Variants in RP1L1 observed in about 807,000 individuals in gnomAD.
RP1L1 encodes the protein RP1 like 1.
A neutral mutation model predicts 15.7 loss-of-function variants in RP1L1; 27 were observed. The ratio of observed to expected loss-of-function variants is 1.72; its 90% CI spans 1.27 to 2.38. RP1L1 has a LOEUF of 2.38. Among genes scored for constraint, RP1L1 ranks in the 30% most tolerant of loss-of-function variants. RP1L1 has a pLI of 0.00. For missense variants in RP1L1, 4,798 were observed against 3,075.9 expected, an observed-to-expected ratio of 1.56 and a Z score of -13.24; for synonymous variants, 1,813 against 1,276.7, an observed-to-expected ratio of 1.42 and a Z score of -8.96.
intron 1 of RP1L1, among the ~76,000 whole-genome samples, chr8:10,647,004 G>C (rs1798489209): frequency 6.6e-6 from 1 of 152,242 alleles, no homozygotes; most frequent in South Asian, 2.1e-4. Context: ...CCCCTGGCAA[G>C]GCAGTGCCTG....
At position 10,610,589 on chromosome 8, in the gene RP1L1, G is replaced by C; in HGVS notation, c.3509C>G (p.Ser1170Ter). The C allele has an allele frequency of 6.2e-7, 1 of 1,613,622 alleles. No individual in the cohort carries two copies. ...GCDVGEDQLD[S>*]GLWELTWSQA... is the part of the protein sequence containing the mutation. ...GCTCCATGTGAGCTCCCAGAGGCCT[G>C]AGTCCAGCTGGTCTTCCCCAACGTC... The change falls in exon 4 of 4, where the codon TCA (serine) becomes TGA (stop). Residue 1170 changes from serine (S) to a stop codon, truncating the protein, a stop_gained. Coordinates refer to ENST00000382483, the MANE Select transcript of RP1L1 (RefSeq NM_178857.6). LOFTEE classifies it low-confidence loss of function (END_TRUNC).
intron 1 of RP1L1, among the ~76,000 whole-genome samples, chr8:10,638,460 G>C (rs1414929167): frequency 6.6e-6 from 1 of 152,136 alleles, no homozygotes; most frequent in Non-Finnish European, 1.5e-5. Flanking sequence ...CACGAAATTA[G>C]ATACAAATTT....
At chr8:10,617,946 G>A (rs117089778) in intron 2 of RP1L1, among the ~76,000 whole-genome samples, 2 of 152,128 alleles carry the variant, frequency 1.3e-5, no homozygotes, top group Non-Finnish European at 2.9e-5. Flanking sequence ...GGTAGCTAAC[G>A]GAAGGTAGGG....
chr8:10,610,794 C>A lies in RP1L1; in HGVS notation c.3304G>T (p.Glu1102Ter). 6.2e-7 allele frequency: 1 copy of A among 1,611,318 alleles called. No individual in the cohort carries two copies. Among genetic ancestry groups the A allele is most frequent in the South Asian group, 1.1e-5 (1 of 91,064 alleles). Reference protein sequence around the residue: ...SKQGRPSSVPEVSRPMARRLS... With the variant: ...SKQGRPSSVP ...CTCCTGGCCATGGGCCTAGACACTTCGGGCACGCTGCTGGGCCGGCCCTGC... is the reference window on the plus strand; with the variant it reads ...CTCCTGGCCATGGGCCTAGACACTTAGGGCACGCTGCTGGGCCGGCCCTGC... The change falls in exon 4 of 4, where the codon GAA becomes TAA. Residue 1102 changes from glutamate to a stop codon, truncating the protein, a stop_gained. Transcript: ENST00000382483. LOFTEE classifies it low-confidence loss of function (END_TRUNC).
intron 1 of RP1L1, among the ~76,000 whole-genome samples, chr8:10,649,056 T>C (rs1336799554): frequency 6.6e-6 from 1 of 152,186 alleles, no homozygotes; most frequent in Non-Finnish European, 1.5e-5. Context: ...TGAGCCCAGA[T>C]GGGAGACTTC....
rs1235107467 is a variant in RP1L1, at chr8:10,611,346, C to T, written c.2752G>A (p.Gly918Arg). ...TTCTCCTCGGACAGCCCCCGAGACCCCGCACCCTGGCTGGCACTGCTTCTC... is the reference window on the plus strand; with the variant it reads ...TTCTCCTCGGACAGCCCCCGAGACCTCGCACCCTGGCTGGCACTGCTTCTC... Reference protein sequence around the residue: ...SRRSSASQGAGSRGLSEEKTL... With the variant: ...SRRSSASQGARSRGLSEEKTL... The change falls in exon 4 of 4, where the codon GGG (glycine) becomes AGG (arginine). Residue 918 changes from glycine (G) to arginine (R), a missense_variant. By Grantham distance (125) the Gly-to-Arg change is moderately radical (BLOSUM62 -2). Transcript: ENST00000382483. 2.5e-6 allele frequency: 4 copies of T among 1,611,932 alleles called. No homozygotes were observed. The highest frequency in any genetic ancestry group is 1.1e-5 in the South Asian group (1 of 91,056).
intron 2 of RP1L1, chr8:10,621,414 C>T (rs540394467): frequency 2.0e-4 from 53 of 269,176 alleles, no homozygotes; most frequent in African/African-American, 1.2e-3. Context: ...CAGCCTCTGC[C>T]TCCCAGGTTC....
chr8:10,625,391 G>A (rs1367133828), intron 1 of RP1L1, among the ~76,000 whole-genome samples: 3 of 152,056 alleles, frequency 2.0e-5, no homozygotes, highest in East Asian at 1.9e-4. Context: ...CGGGATGCGA[G>A]GAAATGCTGG....
chr8:10,623,323 T>A (rs1397743461), intron 1 of RP1L1, 103 bp from the exon 2 acceptor site: 1 of 845,146 alleles, frequency 1.2e-6, no homozygotes, highest in Non-Finnish European at 1.8e-6. Context: ...ACCCCAAATG[T>A]GCTCCACTCC....
At chr8:10,624,672 G>A (rs866339688) in intron 1 of RP1L1, among the ~76,000 whole-genome samples, 6 of 150,246 alleles carry the variant, frequency 4.0e-5, no homozygotes, top group African/African-American at 1.0e-4. Flanking sequence ...GGAGAAGGTC[G>A]GAGGCTTCTT....
chr8:10,654,547 A>G (rs567907059), intron 1 of RP1L1, among the ~76,000 whole-genome samples: 35 of 152,194 alleles, frequency 2.3e-4, no homozygotes, highest in Middle Eastern at 6.8e-3. Context: ...AAGAGCCCCA[A>G]GAAATCCTCA....
chr8:10,615,010 A>C (rs1585972415), intron 3 of RP1L1, among the ~76,000 whole-genome samples: 1 of 152,036 alleles, frequency 6.6e-6, no homozygotes, highest in Non-Finnish European at 1.5e-5. Context: ...GCATATGGCC[A>C]GCAAAAGAAC....
chr8:10,633,162 GT>G (rs1467112464), intron 1 of RP1L1, among the ~76,000 whole-genome samples: 6 of 152,250 alleles, frequency 3.9e-5, no homozygotes, highest in Admixed American at 3.9e-4. Flanking sequence ...CTGCTGGCCA[GT>G]GGGAGCTAGA....
At chr8:10,624,375 T>A (rs1261701283) in intron 1 of RP1L1, among the ~76,000 whole-genome samples, 1 of 152,160 alleles carries the variant, frequency 6.6e-6, no homozygotes, top group East Asian at 1.9e-4. Flanking sequence ...TGTGTGTACA[T>A]ACACACACAC....
At position 10,611,456 on chromosome 8, in the gene RP1L1, G is replaced by C. The variant is rs1304743458; in HGVS notation, c.2642C>G (p.Ala881Gly). ...GSTGSSHQST[A>G]RGPGGSPQEG... Reference sequence around the variant, plus strand: ...CTGCGGGCTCCCACCTGGCCCCCGGGCAGTGCTTTGGTGGCTGCTGCCGGT... The same window carrying C: ...CTGCGGGCTCCCACCTGGCCCCCGGCCAGTGCTTTGGTGGCTGCTGCCGGT... The change falls in exon 4 of 4, where the codon GCC becomes GGC. Residue 881 changes from alanine (A) to glycine (G), a missense_variant. Transcript: ENST00000382483. 4 of 1,571,234 alleles carry C rather than the reference G, an allele frequency of 2.5e-6. No homozygotes were observed. The highest frequency in any genetic ancestry group is 2.3e-5 in the East Asian group (1 of 42,984).
At chr8:10,646,430 A>T (rs1355495063) in intron 1 of RP1L1, among the ~76,000 whole-genome samples, 2 of 152,168 alleles carry the variant, frequency 1.3e-5, no homozygotes, top group Non-Finnish European at 2.9e-5. Flanking sequence ...CCGTTTAGGC[A>T]TCCTAAATGC....
At chr8:10,615,557 G>C (rs1161701018) in intron 3 of RP1L1, among the ~76,000 whole-genome samples, 4 of 152,128 alleles carry the variant, frequency 2.6e-5, no homozygotes, top group Admixed American at 2.6e-4. Context: ...TTTTGAGGCA[G>C]GGTCTCTGTT....
chr8:10,629,918 A>C (rs1162980110), intron 1 of RP1L1, among the ~76,000 whole-genome samples: 1 of 151,810 alleles, frequency 6.6e-6, no homozygotes, highest in Non-Finnish European at 1.5e-5. Flanking sequence ...CTTATCCCCT[A>C]CTCCCGCATG....
intron 2 of RP1L1, among the ~76,000 whole-genome samples, chr8:10,618,858 T>TTTG (rs1798014341): frequency 6.6e-6 from 1 of 152,048 alleles, no homozygotes; most frequent in African/African-American, 2.4e-5. Flanking sequence ...TTTCGTGTTT[T>TTTG]TTTGTTTGTT....
Sources: gnomAD v4.1 joint callset for allele counts (sites outside exome capture counted in the v4.1 genomes callset) on GRCh38, gnomAD v4.1.1 for gene constraint, MANE v1.5 for transcripts, NCBI Gene and HGNC (gene_info 2026-07-23, HGNC 2026-07-21) for gene names.